FAM222B: variants seen among roughly 807,000 people sequenced by gnomAD.
The protein encoded by FAM222B is protein FAM222B.
FAM222B carries 12 observed loss-of-function variants against 38.0 expected under a neutral mutation model. That is an observed-to-expected ratio of 0.32 (90% CI 0.20 to 0.51). FAM222B has a LOEUF of 0.51. Ranked by LOEUF, FAM222B falls within the 20% of genes least tolerant of loss-of-function variation. The pLI is 0.97. For missense variants in FAM222B, 716 were observed against 754.2 expected, an observed-to-expected ratio of 0.95 and a Z score of 0.59; for synonymous variants, 329 against 317.2, an observed-to-expected ratio of 1.04 and a Z score of -0.40.
At chr17:28,776,333 G>A (rs1379423124) in intron 1 of FAM222B, among the ~76,000 whole-genome samples, 32 of 124,710 alleles carry the variant, frequency 2.6e-4, no homozygotes, top group African/African-American at 8.6e-4. Flanking sequence ...GCGAGATCAC[G>A]CCACTGCACT....
intron 1 of FAM222B, among the ~76,000 whole-genome samples, chr17:28,830,161 CTTTT>C (rs58480451): frequency 1.2e-4 from 12 of 101,488 alleles, no homozygotes; most frequent in Non-Finnish European, 1.1e-4. Flanking sequence ...TTTATACATT[CTTTT>C]TTTTTTTTTT....
At chr17:28,830,891 C>A (rs1037833896) in intron 1 of FAM222B, among the ~76,000 whole-genome samples, 2 of 151,150 alleles carry the variant, frequency 1.3e-5, no homozygotes, top group Non-Finnish European at 2.9e-5. Context: ...TTACAAATTA[C>A]ATTTAGGTGT....
At chr17:28,825,306 T>TC (rs2038397637) in intron 1 of FAM222B, among the ~76,000 whole-genome samples, 1 of 151,554 alleles carries the variant, frequency 6.6e-6, no homozygotes, top group Admixed American at 6.6e-5. Context: ...CGTAGAGGCG[T>TC]GCACCTATGG....
chr17:28,849,847 C>T (rs1480085784), intron 1 of FAM222B, among the ~76,000 whole-genome samples: 2 of 151,982 alleles, frequency 1.3e-5, no homozygotes, highest in Non-Finnish European at 2.9e-5. Context: ...TTTGGGAGGC[C>T]GAGGAGGGCG....
chr17:28,769,292 C>G (rs1453350531), intron 1 of FAM222B, among the ~76,000 whole-genome samples: 2 of 149,848 alleles, frequency 1.3e-5, no homozygotes, highest in Non-Finnish European at 3.0e-5. Flanking sequence ...CATTCTCCTG[C>G]CTCAGCCTCC....
At chr17:28,794,634 T>C (rs1030519940) in intron 1 of FAM222B, among the ~76,000 whole-genome samples, 4 of 152,188 alleles carry the variant, frequency 2.6e-5, no homozygotes, top group Non-Finnish European at 4.4e-5. Context: ...GTAAGTCCAC[T>C]TTTCAGGGTA....
At chr17:28,770,737 AT>A (rs1398301409) in intron 1 of FAM222B, among the ~76,000 whole-genome samples, 1 of 151,664 alleles carries the variant, frequency 6.6e-6, no homozygotes, top group Non-Finnish European at 1.5e-5. Flanking sequence ...TGCCCGGCTA[AT>A]TTTTTGTATT....
chr17:28,809,472 C>G (rs1361309141), intron 1 of FAM222B, among the ~76,000 whole-genome samples: 1 of 152,152 alleles, frequency 6.6e-6, no homozygotes, highest in Non-Finnish European at 1.5e-5. Context: ...CCCCCTCAAC[C>G]TAAGAGATTA....
intron 1 of FAM222B, among the ~76,000 whole-genome samples, chr17:28,816,560 A>T (rs1381978985): frequency 6.6e-6 from 1 of 152,182 alleles, no homozygotes; most frequent in East Asian, 1.9e-4. Context: ...ACCAAAAAAA[A>T]AATAAATAAA....
intron 1 of FAM222B, among the ~76,000 whole-genome samples, chr17:28,781,017 C>A (rs1428662225): frequency 6.6e-6 from 1 of 152,084 alleles, no homozygotes; most frequent in African/African-American, 2.4e-5. Flanking sequence ...AGCAACAAAA[C>A]AACCCAATTA....
At chr17:28,775,040 GC>G (rs2035818487) in intron 1 of FAM222B, among the ~76,000 whole-genome samples, 1 of 108,018 alleles carries the variant, frequency 9.3e-6, no homozygotes, top group African/African-American at 3.7e-5. Context: ...TTGCTCTGTT[GC>G]CCCGGCTGGA....
intron 1 of FAM222B, among the ~76,000 whole-genome samples, chr17:28,805,657 A>C (rs1004250080): frequency 6.6e-6 from 1 of 152,172 alleles, no homozygotes; most frequent in Non-Finnish European, 1.5e-5. Flanking sequence ...TCTCAAAAAA[A>C]AAAAGAAAGA....
intron 1 of FAM222B, 30 bp from the exon 2 acceptor site, chr17:28,766,737 C>T: frequency 8.0e-7 from 1 of 1,244,700 alleles, no homozygotes; most frequent in Admixed American, 2.0e-5. Context: ...GGTCATGAAA[C>T]ACAAGGCAAC....
intron 1 of FAM222B, among the ~76,000 whole-genome samples, chr17:28,797,562 C>A (rs1452650497): frequency 6.6e-6 from 1 of 152,066 alleles, no homozygotes; most frequent in Non-Finnish European, 1.5e-5. Flanking sequence ...AGAATTTGGA[C>A]TAGACCACTA....
Position 28,841,417 on chromosome 17 carries a change from C to G in FAM222B, c.-41+1265G>C, listed in dbSNP as rs969927591. Among the ~76,000 whole-genome samples, 5 of 152,324 alleles carry G rather than the reference C, an allele frequency of 3.3e-5. No individual in the cohort carries two copies. In the East Asian group the frequency reaches 9.6e-4, roughly 29 times the overall value. ...CCAGACGGAGTCTCGCACTGTCACC[C>G]GAACTGGAGTGCAATAGCACTATCT... On this transcript the variant is annotated intron_variant, in intron 1 of 2. Transcript: ENST00000581407.
chr17:28,758,260 G>C lies in FAM222B; in HGVS notation c.*10C>G. 6.5e-7 allele frequency: 1 copy of C among 1,549,810 alleles called. No homozygotes were observed. Among genetic ancestry groups the C allele is most frequent in the Middle Eastern group, 1.8e-4 (1 of 5,708 alleles). ...TATGATGTGTTGCACGTGGAGGGCA[G>C]CAGGGCTACCTATCTATACCCTGGG... On this transcript the variant is annotated 3_prime_UTR_variant, in exon 3 of 3. Transcript: ENST00000581407.
At position 28,757,543 on chromosome 17, in the gene FAM222B, C is replaced by T. The variant is rs2034763002; in HGVS notation, c.*727G>A. On this transcript the variant is annotated 3_prime_UTR_variant, in exon 3 of 3. Transcript: ENST00000581407. ...CAGTGAGAAAGGGATCTTGGGTATG[C>T]TCAAAGGTCACTGTATTTTTCTAGG... The T allele has an allele frequency of 6.6e-6, 1 of 152,030 alleles. No individual in the cohort carries two copies. The highest frequency in any genetic ancestry group is 2.1e-4 in the South Asian group (1 of 4,822). 9.4% of individuals were successfully genotyped at this position (152,030 alleles called of 1,614,324 possible).
At chr17:28,762,270 AG>A (rs1450756526) in intron 2 of FAM222B, 2 of 152,204 alleles carry the variant, frequency 1.3e-5, no homozygotes, top group Non-Finnish European at 2.9e-5. Flanking sequence ...TGAACAAAAA[AG>A]GGGTATCATT....
chr17:28,792,787 A>C (rs2036759915), intron 1 of FAM222B, among the ~76,000 whole-genome samples: 1 of 149,862 alleles, frequency 6.7e-6, no homozygotes. Flanking sequence ...TTTCAAAAAA[A>C]AAAAAAAAAA....
Sources: gnomAD v4.1 joint callset for allele counts (sites outside exome capture counted in the v4.1 genomes callset) on GRCh38, gnomAD v4.1.1 for gene constraint, MANE v1.5 for transcripts, NCBI Gene and HGNC (gene_info 2026-07-23, HGNC 2026-07-21) for gene names.